IMMP2L: variants seen among roughly 807,000 people sequenced by gnomAD.
IMMP2L encodes mitochondrial inner membrane protease subunit 2.
IMMP2L carries 18 observed loss-of-function variants against 19.3 expected under a neutral mutation model. That is an observed-to-expected ratio of 0.93 (90% confidence interval 0.64 to 1.38). The LOEUF (loss-of-function observed/expected upper bound fraction) is 1.38, where lower values mean the gene tolerates loss of function less well. Ranked by LOEUF, IMMP2L falls within the 40% of genes most tolerant of loss-of-function variation. IMMP2L has a pLI of 0.00. For missense variants in IMMP2L, 233 were observed against 218.2 expected (o/e 1.07, Z -0.43); for synonymous variants, 76 against 73.0 (o/e 1.04, Z -0.21).
intron 5 of IMMP2L, among the ~76,000 whole-genome samples, chr7:110,764,116 T>C (rs1366472279): frequency 6.6e-6 from 1 of 152,112 alleles, no homozygotes; most frequent in Non-Finnish European, 1.5e-5. Context: ...GAAAACTGAC[T>C]TGAATACAAG....
At chr7:111,445,925 C>T (rs1838332796) in intron 3 of IMMP2L, among the ~76,000 whole-genome samples, 2 of 152,266 alleles carry the variant, frequency 1.3e-5, no homozygotes, top group Non-Finnish European at 2.9e-5. Flanking sequence ...GTTCCCTTTC[C>T]TAGTCAAAGA....
chr7:111,017,206 C>T (rs1825797123), intron 3 of IMMP2L, among the ~76,000 whole-genome samples: 1 of 150,596 alleles, frequency 6.6e-6, no homozygotes, highest in Non-Finnish European at 1.5e-5. Context: ...TAGCTGGGAC[C>T]ACAGGTACAT....
intron 3 of IMMP2L, among the ~76,000 whole-genome samples, chr7:111,192,771 A>G (rs557542849): frequency 4.6e-5 from 7 of 152,260 alleles, no homozygotes; most frequent in African/African-American, 1.7e-4. Flanking sequence ...CAAAGAGAAG[A>G]TCAAATGCAG....
intron 2 of IMMP2L, among the ~76,000 whole-genome samples, chr7:111,505,887 G>A (rs537938080): frequency 2.6e-4 from 39 of 152,124 alleles, no homozygotes; most frequent in Non-Finnish European, 5.3e-4. Context: ...GAGTTAATGG[G>A]TGCAGCACAC....
intron 3 of IMMP2L, among the ~76,000 whole-genome samples, chr7:111,255,927 C>T (rs1816645229): frequency 6.6e-6 from 1 of 151,994 alleles, no homozygotes; most frequent in African/African-American, 2.4e-5. Context: ...TTGTTCAAAG[C>T]TGTAATTACC....
intron 4 of IMMP2L, among the ~76,000 whole-genome samples, chr7:110,938,163 T>C (rs1292879142): frequency 6.6e-6 from 1 of 152,120 alleles, no homozygotes; most frequent in Non-Finnish European, 1.5e-5. Flanking sequence ...AACAACTTAA[T>C]AGGATCTACC....
intron 5 of IMMP2L, among the ~76,000 whole-genome samples, chr7:110,685,059 G>A (rs1298760978): frequency 6.6e-6 from 1 of 151,912 alleles, no homozygotes; most frequent in Non-Finnish European, 1.5e-5. Context: ...ATTAAGGGTT[G>A]GGGGGGAAGG....
chr7:111,130,216 G>C (rs1016981914), intron 3 of IMMP2L, among the ~76,000 whole-genome samples: 1 of 152,014 alleles, frequency 6.6e-6, no homozygotes, highest in African/African-American at 2.4e-5. Context: ...ATGTCAATAC[G>C]ACTTTTTCTT....
At chr7:110,783,029 G>A (rs1049899329) in intron 5 of IMMP2L, among the ~76,000 whole-genome samples, 3 of 151,870 alleles carry the variant, frequency 2.0e-5, no homozygotes, top group Admixed American at 2.0e-4. Flanking sequence ...TTTCCTGAAA[G>A]GATATGAGCT....
intron 5 of IMMP2L, among the ~76,000 whole-genome samples, chr7:110,683,677 T>C (rs892892202): frequency 6.6e-6 from 1 of 152,142 alleles, no homozygotes; most frequent in East Asian, 1.9e-4. Context: ...AAAAGTAATG[T>C]TACTGTGATC....
At chr7:110,754,692 T>C (rs960072052) in intron 5 of IMMP2L, among the ~76,000 whole-genome samples, 1 of 152,106 alleles carries the variant, frequency 6.6e-6, no homozygotes, top group Non-Finnish European at 1.5e-5. Context: ...AAAATAATGT[T>C]AGAAAAACTA....
chr7:110,719,992 G>A (rs1354161475), intron 5 of IMMP2L, among the ~76,000 whole-genome samples: 2 of 152,148 alleles, frequency 1.3e-5, no homozygotes, highest in Non-Finnish European at 2.9e-5. Context: ...AAACTCAAGA[G>A]TTATTTTACA....
intron 5 of IMMP2L, among the ~76,000 whole-genome samples, chr7:110,812,361 T>C (rs182475042): frequency 9.7e-4 from 147 of 152,182 alleles, no homozygotes; most frequent in African/African-American, 3.5e-3. Flanking sequence ...TGCATCATTA[T>C]TTGGCACCTC....
intron 2 of IMMP2L, among the ~76,000 whole-genome samples, chr7:111,500,687 A>G (rs546472001): frequency 1.2e-4 from 19 of 152,276 alleles, no homozygotes; most frequent in Admixed American, 5.2e-4. Context: ...TTCTGCAGCC[A>G]CCGCTGCTGA....
rs544008641 is a variant in IMMP2L, at chr7:110,732,577, A to T, written c.409-68856T>A. On this transcript the variant is annotated intron_variant, in intron 5 of 5. Transcript: ENST00000405709. ...CTTATACCAGTTTGCTTTTATAAGGATTTTGCACCTTGTCCACAAACATTT... is the reference window on the plus strand; with the variant it reads ...CTTATACCAGTTTGCTTTTATAAGGTTTTTGCACCTTGTCCACAAACATTT... Among the ~76,000 whole-genome samples, 14 of 152,268 alleles carry T rather than the reference A, an allele frequency of 9.2e-5. No individual in the cohort carries two copies. The South Asian group carries it at 2.9e-3, about 32-fold the overall frequency.
chr7:110,849,875 A>T (rs1458664777), intron 5 of IMMP2L, among the ~76,000 whole-genome samples: 1 of 152,140 alleles, frequency 6.6e-6, no homozygotes, highest in Non-Finnish European at 1.5e-5. Context: ...ATTATTTATA[A>T]ATTTAAAAAA....
intron 5 of IMMP2L, among the ~76,000 whole-genome samples, chr7:110,844,615 CTG>C (rs1202478036): frequency 1.3e-5 from 2 of 150,764 alleles, no homozygotes; most frequent in African/African-American, 4.9e-5. Context: ...CCAGATGACA[CTG>C]TAGTTTAGAA....
chr7:110,831,035 G>C (rs1305613010), intron 5 of IMMP2L, among the ~76,000 whole-genome samples: 3 of 152,170 alleles, frequency 2.0e-5, no homozygotes, highest in Non-Finnish European at 4.4e-5. Flanking sequence ...CTGGGGGAGA[G>C]TTCACTTCCA....
intron 4 of IMMP2L, among the ~76,000 whole-genome samples, chr7:110,896,647 TTTCG>T (rs1192662647): frequency 4.0e-4 from 11 of 27,494 alleles, no homozygotes; most frequent in Admixed American, 6.1e-4. Context: ...ACTGAGGTAT[TTTCG>T]TATGTTATTT....
Sources: allele counts gnomAD v4.1 joint callset (sites outside exome capture counted in the v4.1 genomes callset), GRCh38; gene constraint gnomAD v4.1.1; transcripts MANE v1.5; gene names NCBI Gene and HGNC (gene_info 2026-07-23, HGNC 2026-07-21).